Variants in GALNT17 observed in about 807,000 individuals in gnomAD.
GALNT17 encodes the protein polypeptide N-acetylgalactosaminyltransferase 17, also known as UDP-GalNAc:polypeptide N-acetylgalactosaminyltransferase-like 3.
Under a neutral mutation model 63.7 loss-of-function variants are expected in GALNT17, and 29 were observed. The ratio of observed to expected loss-of-function variants is 0.46; its 90% CI spans 0.34 to 0.62. The LOEUF is 0.62. Among genes scored for constraint, GALNT17 ranks in the 20% least tolerant of loss-of-function variants. The pLI is 0.01. For missense variants in GALNT17, 603 were observed against 799.6 expected (o/e 0.75, Z 2.97); for synonymous variants, 305 against 318.3 (o/e 0.96, Z 0.45).
chr7:71,352,377 T>C (rs755391935), intron 2 of GALNT17, among the ~76,000 whole-genome samples: 5 of 152,136 alleles, frequency 3.3e-5, no homozygotes, highest in Non-Finnish European at 7.4e-5. Context: ...CTAATATACA[T>C]AGTAAGATGG....
intron 5 of GALNT17, among the ~76,000 whole-genome samples, chr7:71,470,169 A>G (rs2116610628): frequency 6.6e-6 from 1 of 152,286 alleles, no homozygotes; most frequent in East Asian, 1.9e-4. Context: ...AGATCACACC[A>G]CTGCACTGCA....
chr7:71,268,245 A>G (rs1790525832), intron 1 of GALNT17, among the ~76,000 whole-genome samples: 1 of 152,106 alleles, frequency 6.6e-6, no homozygotes, highest in African/African-American at 2.4e-5. Context: ...AACCCCCCAT[A>G]CAGATTGGGA....
intron 5 of GALNT17, among the ~76,000 whole-genome samples, chr7:71,538,213 G>T (rs1788831137): frequency 6.6e-6 from 1 of 152,168 alleles, no homozygotes; most frequent in Non-Finnish European, 1.5e-5. Context: ...TATTTAAGAT[G>T]AAAGAGAAAA....
At chr7:71,376,581 G>A (rs1792733280) in intron 2 of GALNT17, among the ~76,000 whole-genome samples, 1 of 145,558 alleles carries the variant, frequency 6.9e-6, no homozygotes, top group South Asian at 2.1e-4. Context: ...GTGTGTGTCT[G>A]TCTGTGTGTC....
chr7:71,574,127 G>T (rs1177294336), intron 6 of GALNT17, among the ~76,000 whole-genome samples: 3 of 152,190 alleles, frequency 2.0e-5, no homozygotes, highest in Non-Finnish European at 4.4e-5. Flanking sequence ...ACATACGTGT[G>T]CATGTGTCTT....
At chr7:71,695,009 A>T (rs536992179) in intron 9 of GALNT17, among the ~76,000 whole-genome samples, 1 of 152,260 alleles carries the variant, frequency 6.6e-6, no homozygotes, top group Non-Finnish European at 1.5e-5. Flanking sequence ...AATTCATGTC[A>T]TCAGCGGTCT....
intron 9 of GALNT17, among the ~76,000 whole-genome samples, chr7:71,702,172 TG>T (rs1162745254): frequency 2.0e-5 from 3 of 151,962 alleles, no homozygotes; most frequent in Non-Finnish European, 4.4e-5. Context: ...AAGTGCCTAC[TG>T]GGTACTATGT....
chr7:71,234,243 A>G (rs1420250394), intron 1 of GALNT17, among the ~76,000 whole-genome samples: 1 of 152,124 alleles, frequency 6.6e-6, no homozygotes, highest in East Asian at 1.9e-4. Flanking sequence ...ATCTGTAAGG[A>G]CATTGCATTT....
chr7:71,381,683 G>A (rs1367883021), intron 2 of GALNT17, among the ~76,000 whole-genome samples: 2 of 152,208 alleles, frequency 1.3e-5, no homozygotes, highest in Non-Finnish European at 2.9e-5. Flanking sequence ...GGAGGCTGAG[G>A]CAGGAGAATT....
chr7:71,319,215 T>G (rs1218452964), intron 1 of GALNT17, among the ~76,000 whole-genome samples: 1 of 151,842 alleles, frequency 6.6e-6, no homozygotes, highest in African/African-American at 2.4e-5. Flanking sequence ...AGCAGACTTT[T>G]TGGAAAAATT....
intron 1 of GALNT17, among the ~76,000 whole-genome samples, chr7:71,315,546 C>T (rs973229601): frequency 5.3e-5 from 8 of 152,202 alleles, no homozygotes; most frequent in African/African-American, 1.7e-4. Flanking sequence ...AAGTACCATG[C>T]TGTCCTCTTG....
At chr7:71,273,386 AG>A (rs762198264) in intron 1 of GALNT17, among the ~76,000 whole-genome samples, 6 of 152,264 alleles carry the variant, frequency 3.9e-5, no homozygotes, top group Non-Finnish European at 8.8e-5. Context: ...TGCTATTCCC[AG>A]TTGGTTCTGA....
rs978596276 is a variant in GALNT17, at chr7:71,372,995, C to T, written c.423-15240C>T. ...CGAGGTGGGGAGCTTTTAGTATCAACACAGTTTGATAACATGCTTCTTTAT... is the reference window on the plus strand; with the variant it reads ...CGAGGTGGGGAGCTTTTAGTATCAATACAGTTTGATAACATGCTTCTTTAT... On this transcript the variant is annotated intron_variant, in intron 2 of 10. Transcript: ENST00000333538. 1.1e-4 allele frequency among the ~76,000 whole-genome samples: 17 copies of T among 152,282 alleles called. 3 individuals are homozygous for T. The highest frequency in any genetic ancestry group is 7.8e-4 in the Admixed American group (12 of 15,300).
intron 6 of GALNT17, among the ~76,000 whole-genome samples, chr7:71,607,631 T>G (rs746997413): frequency 6.6e-6 from 1 of 152,032 alleles, no homozygotes; most frequent in Non-Finnish European, 1.5e-5. Context: ...TATAAAGAGA[T>G]AAACTCAAGA....
intron 5 of GALNT17, among the ~76,000 whole-genome samples, chr7:71,549,662 G>GT (rs1381668284): frequency 1.3e-5 from 2 of 151,982 alleles, no homozygotes; most frequent in East Asian, 1.9e-4. Flanking sequence ...AAGAGTAATT[G>GT]TTTTTTTCTC....
At position 71,333,654 on chromosome 7, in the gene GALNT17, C is replaced by T. The variant is rs150502441; in HGVS notation, c.239-1896C>T. Among the ~76,000 whole-genome samples, 848 of 152,216 alleles carry T rather than the reference C, an allele frequency of 5.6e-3. 9 individuals carry two copies. The highest frequency in any genetic ancestry group is 0.019 in the African/African-American group (807 of 41,512). On this transcript the variant is annotated intron_variant, in intron 1 of 10. Coordinates refer to ENST00000333538, the MANE Select transcript of GALNT17 (RefSeq NM_022479.3). ...TAGCTGGGACTACAGGTGCACATCA[C>T]CACACTCGGCTAATTTTTGTATTTT...
chr7:71,557,653 C>T (rs549610503), intron 5 of GALNT17, among the ~76,000 whole-genome samples: 1 of 151,902 alleles, frequency 6.6e-6, no homozygotes, highest in South Asian at 2.1e-4. Flanking sequence ...TAGCCAGGCC[C>T]GGTGGCGTGT....
intron 6 of GALNT17, among the ~76,000 whole-genome samples, chr7:71,645,426 T>C (rs930310278): frequency 1.3e-5 from 2 of 152,178 alleles, no homozygotes; most frequent in Admixed American, 6.5e-5. Context: ...CAGTTCCTCC[T>C]ACACACCCTC....
At chr7:71,441,707 A>G (rs772365904) in intron 5 of GALNT17, among the ~76,000 whole-genome samples, 3 of 150,926 alleles carry the variant, frequency 2.0e-5, no homozygotes, top group Non-Finnish European at 3.0e-5. Flanking sequence ...TCATTGGTCA[A>G]CTCCCACTTA....
Sources: allele counts gnomAD v4.1 joint callset (sites outside exome capture counted in the v4.1 genomes callset), GRCh38; gene constraint gnomAD v4.1.1; transcripts MANE v1.5; gene names NCBI Gene and HGNC (gene_info 2026-07-23, HGNC 2026-07-21).